Variants in GLT8D2 observed in about 807,000 individuals in gnomAD.
GLT8D2 encodes the protein glycosyltransferase 8 domain containing 2.
GLT8D2 carries 45 observed loss-of-function variants against 44.5 expected under a neutral mutation model. The ratio of observed to expected loss-of-function variants is 1.01; its 90% CI spans 0.80 to 1.30. The LOEUF (loss-of-function observed/expected upper bound fraction) is 1.30. Ranked by LOEUF, GLT8D2 falls within the 50% of genes most tolerant of loss-of-function variation. The probability of loss-of-function intolerance (pLI) is 0.00; values close to 1 mark genes in which losing one functional copy is unlikely to be tolerated. For missense variants in GLT8D2, 400 were observed against 430.4 expected (o/e 0.93, Z 0.62); for synonymous variants, 156 against 157.2 (o/e 0.99, Z 0.06).
intron 1 of GLT8D2, among the ~76,000 whole-genome samples, chr12:104,041,810 T>C (rs552810188): frequency 6.6e-6 from 1 of 152,334 alleles, no homozygotes; most frequent in Admixed American, 6.5e-5. Flanking sequence ...CAATACAGTG[T>C]GCTTAGATGC....
At chr12:103,999,015 C>T (rs772607315) in intron 6 of GLT8D2, among the ~76,000 whole-genome samples, 33 of 152,250 alleles carry the variant, frequency 2.2e-4, no homozygotes, top group African/African-American at 4.8e-4. Flanking sequence ...TCTTAGCTGT[C>T]GGACACTCCG....
intron 1 of GLT8D2, chr12:104,031,183 C>T: frequency 6.2e-7 from 1 of 1,609,564 alleles, no homozygotes; most frequent in East Asian, 2.2e-5. Flanking sequence ...TCTACAGCAA[C>T]ATCAGTAAGG....
intron 6 of GLT8D2, 86 bp from the exon 7 acceptor site, chr12:103,997,621 A>G (rs1873622759): frequency 1.1e-6 from 1 of 913,114 alleles, no homozygotes. Context: ...GGCTTTGACC[A>G]TGGCCTCAGC....
At chr12:104,007,266 C>CTCTCT (rs1555277856) in intron 4 of GLT8D2, among the ~76,000 whole-genome samples, 258 of 133,408 alleles carry the variant, frequency 1.9e-3, no homozygotes, top group African/African-American at 5.9e-3. Context: ...CTCTCTCTCT[C>CTCTCT]CCCCCGCTCT....
At position 104,021,488 on chromosome 12, in the gene GLT8D2, G is replaced by A. The variant is rs2136379024; in HGVS notation, c.-160C>T. The A allele has an allele frequency of 6.6e-6, 1 of 152,390 alleles. No individual in the cohort carries two copies. Among genetic ancestry groups the A allele is most frequent in the East Asian group, 1.9e-4 (1 of 5,196 alleles). 9.4% of individuals were successfully genotyped at this position (152,390 alleles called of 1,614,324 possible). A position where few individuals can be genotyped will look rare whatever the true frequency, so the allele number is the denominator to read the frequency against. ...CCACCTCCACGCTGCTCTTCCCACA[G>A]GACCTAAAGTGACATTTTAAGTGTT... On this transcript the variant is annotated 5_prime_UTR_variant, in exon 2 of 11. Transcript: ENST00000360814.
chr12:104,055,954 T>C (rs1440411758), intron 1 of GLT8D2, among the ~76,000 whole-genome samples: 1 of 152,202 alleles, frequency 6.6e-6, no homozygotes, highest in Non-Finnish European at 1.5e-5. Context: ...TTGCAGGTCA[T>C]CTTCCTGTTG....
intron 1 of GLT8D2, among the ~76,000 whole-genome samples, chr12:104,063,252 C>A (rs1331699481): frequency 2.0e-5 from 3 of 152,098 alleles, no homozygotes; most frequent in Non-Finnish European, 4.4e-5. Flanking sequence ...TACCACCAAC[C>A]CTTTTTGTGT....
chr12:104,037,906 G>A (rs1880085708), intron 1 of GLT8D2, among the ~76,000 whole-genome samples: 1 of 152,154 alleles, frequency 6.6e-6, no homozygotes, highest in Admixed American at 6.5e-5. Context: ...TAAAATACTG[G>A]CAAACTGAAT....
At chr12:104,016,709 G>GAGAAAGAAAA (rs1876685853) in intron 3 of GLT8D2, among the ~76,000 whole-genome samples, 6 of 72,762 alleles carry the variant, frequency 8.2e-5, no homozygotes, top group Admixed American at 3.3e-4. Flanking sequence ...GAAAGGGAGA[G>GAGAAAGAAAA]AGAAAGAAAG....
chr12:104,026,833 T>C (rs1467690860), intron 1 of GLT8D2, among the ~76,000 whole-genome samples: 3 of 152,246 alleles, frequency 2.0e-5, no homozygotes, highest in Non-Finnish European at 2.9e-5. Flanking sequence ...AAGTTTGTTT[T>C]AAAATTAAGT....
chr12:104,032,261 C>T (rs1269665314), intron 1 of GLT8D2, among the ~76,000 whole-genome samples: 3 of 151,230 alleles, frequency 2.0e-5, no homozygotes, highest in Non-Finnish European at 4.4e-5. Flanking sequence ...GGCAGGAGTG[C>T]TTCCTGGTTT....
intron 1 of GLT8D2, among the ~76,000 whole-genome samples, chr12:104,025,356 A>C (rs1878450530): frequency 6.6e-6 from 1 of 151,830 alleles, no homozygotes; most frequent in Non-Finnish European, 1.5e-5. Context: ...CTACAGGTGC[A>C]CACCACTGCA....
At chr12:104,030,985 A>T (rs2136429964) in intron 1 of GLT8D2, 1 of 1,327,502 alleles carries the variant, frequency 7.5e-7, no homozygotes, top group East Asian at 2.4e-5. Context: ...CCCTCTGGAC[A>T]GTGCTAGATG....
chr12:104,011,334 C>T (rs889567279), intron 4 of GLT8D2, among the ~76,000 whole-genome samples: 5 of 152,196 alleles, frequency 3.3e-5, no homozygotes, highest in African/African-American at 1.2e-4. Flanking sequence ...TAGTAAACAT[C>T]ACAATGCTGG....
chr12:104,006,864 A>C (rs1875081334), intron 4 of GLT8D2, among the ~76,000 whole-genome samples: 1 of 152,160 alleles, frequency 6.6e-6, no homozygotes, highest in Non-Finnish European at 1.5e-5. Context: ...ACACACACAC[A>C]CTTAAAAAAC....
rs1491485247 is a variant in GLT8D2 at position 104,016,774 on chromosome 12, A to AG, written c.20-1670dup. On this transcript the variant is annotated intron_variant, in intron 3 of 10. Transcript: ENST00000360814. ...AAGAAAGAAAGAAAGAAAGAAAGAA[A>AG]GAAGGAAGGAAGGAAGGAAGGAAGG... Among the ~76,000 whole-genome samples, 221 of 58,388 alleles carry AG rather than the reference A, an allele frequency of 3.8e-3. 4 individuals carry two copies. The highest frequency in any genetic ancestry group is 5.6e-3 in the Admixed American group (29 of 5,158). 38.3% of individuals were successfully genotyped at this position (58,388 alleles called of 152,430 possible).
intron 4 of GLT8D2, among the ~76,000 whole-genome samples, chr12:104,004,982 T>C (rs1355343276): frequency 2.0e-5 from 3 of 152,228 alleles, no homozygotes; most frequent in East Asian, 3.9e-4. Context: ...CTTCAAACTA[T>C]ACTACAAGGC....
intron 1 of GLT8D2, among the ~76,000 whole-genome samples, chr12:104,038,407 G>GC (rs1322325242): frequency 1.3e-5 from 2 of 152,186 alleles, no homozygotes; most frequent in Non-Finnish European, 1.5e-5. Context: ...CATCGTCTCA[G>GC]CCCATAATCT....
intron 5 of GLT8D2, 53 bp downstream of exon 5, chr12:104,003,082 A>G: frequency 1.0e-5 from 14 of 1,383,978 alleles, no homozygotes; most frequent in Non-Finnish European, 1.4e-5. Context: ...GAGGGAGGGA[A>G]GGAGAGAGGG....
Sources: allele counts gnomAD v4.1 joint callset (sites outside exome capture counted in the v4.1 genomes callset), GRCh38; gene constraint gnomAD v4.1.1; transcripts MANE v1.5; gene names NCBI Gene and HGNC (gene_info 2026-07-23, HGNC 2026-07-21).